KCNG3: variants seen among roughly 807,000 people sequenced by gnomAD.
KCNG3 encodes the protein voltage-gated potassium channel regulatory subunit KCNG3.
Under a neutral mutation model 29.0 loss-of-function variants are expected in KCNG3, and 15 were observed. That is an observed-to-expected ratio of 0.52 (90% CI 0.35 to 0.80). The LOEUF is 0.80. Ranked by LOEUF, KCNG3 falls within the 30% of genes least tolerant of loss-of-function variation. The pLI, the probability that KCNG3 is intolerant of heterozygous loss-of-function variation, is 0.01. For missense variants in KCNG3, 512 were observed against 605.7 expected (o/e 0.85, Z 1.62); for synonymous variants, 322 against 248.9 (o/e 1.29, Z -2.76).
the KCNG3 span, among the ~76,000 whole-genome samples, chr2:42,402,185 T>G: frequency 6.6e-6 from 1 of 152,212 alleles, no homozygotes; most frequent in African/African-American, 2.4e-5. Context: ...CTACCTGCCC[T>G]TGGACATCAG....
At chr2:42,403,815 G>C in the KCNG3 span, among the ~76,000 whole-genome samples, 1 of 151,730 alleles carries the variant, frequency 6.6e-6, no homozygotes, top group Admixed American at 6.6e-5. Context: ...TGCCCAGGCT[G>C]GTCTTGAACT....
At chr2:42,407,515 C>T in the KCNG3 span, among the ~76,000 whole-genome samples, 2 of 152,194 alleles carry the variant, frequency 1.3e-5, no homozygotes, top group African/African-American at 4.8e-5. Context: ...GTGGAGCCAA[C>T]AACAAGTGGG....
chr2:42,484,679 T>A (rs900200658), intron 1 of KCNG3, among the ~76,000 whole-genome samples: 1 of 152,204 alleles, frequency 6.6e-6, no homozygotes, highest in Non-Finnish European at 1.5e-5. Flanking sequence ...TAACACTTTT[T>A]TTCCGATGAA....
At chr2:42,413,531 AT>A in the KCNG3 span, among the ~76,000 whole-genome samples, 1 of 151,832 alleles carries the variant, frequency 6.6e-6, no homozygotes, top group African/African-American at 2.4e-5. Flanking sequence ...TATATATTCT[AT>A]TTCTAGTCTT....
intron 1 of KCNG3, among the ~76,000 whole-genome samples, chr2:42,451,034 G>A (rs1183223258): frequency 6.6e-6 from 1 of 150,938 alleles, no homozygotes; most frequent in Non-Finnish European, 1.5e-5. Context: ...GTGAAACCCT[G>A]TCTCTCCCAA....
intron 1 of KCNG3, among the ~76,000 whole-genome samples, chr2:42,458,028 C>T (rs1376067403): frequency 2.0e-5 from 3 of 152,114 alleles, no homozygotes; most frequent in African/African-American, 4.8e-5. Flanking sequence ...CCTTGAATCA[C>T]GCCTGGGATT....
At chr2:42,395,876 G>A in the KCNG3 span, among the ~76,000 whole-genome samples, 11 of 152,178 alleles carry the variant, frequency 7.2e-5, no homozygotes, top group African/African-American at 2.4e-4. Context: ...CTTGAGCCCA[G>A]GAGGTTGAGG....
At chr2:42,395,435 C>T in the KCNG3 span, among the ~76,000 whole-genome samples, 2 of 152,166 alleles carry the variant, frequency 1.3e-5, no homozygotes, top group Non-Finnish European at 2.9e-5. Context: ...GGCGCGGTGG[C>T]TCACACCTGT....
chr2:42,398,224 A>AAAAT, the KCNG3 span, among the ~76,000 whole-genome samples: 7,601 of 141,350 alleles, frequency 0.054, 592 homozygotes, highest in Admixed American at 0.24. Context: ...CTCTGTCTCA[A>AAAAT]AAATAAATAA....
downstream of KCNG3, among the ~76,000 whole-genome samples, chr2:42,441,702 TTA>T (rs755821004): frequency 3.8e-3 from 569 of 150,126 alleles, no homozygotes; most frequent in African/African-American, 0.013. Context: ...CACATGTACA[TTA>T]TATATATATA....
intron 1 of KCNG3, among the ~76,000 whole-genome samples, chr2:42,468,018 GACAGT>G (rs979473623): frequency 6.7e-6 from 1 of 149,660 alleles, no homozygotes; most frequent in Non-Finnish European, 1.5e-5. Flanking sequence ...AACCCAGACA[GACAGT>G]ACAAGAGAGA....
At chr2:42,467,690 C>T (rs1673175392) in intron 1 of KCNG3, among the ~76,000 whole-genome samples, 1 of 147,642 alleles carries the variant, frequency 6.8e-6, no homozygotes. Flanking sequence ...AAAATTAGAA[C>T]CATGTGTGAT....
chr2:42,396,772 AT>A, the KCNG3 span, among the ~76,000 whole-genome samples: 1 of 152,220 alleles, frequency 6.6e-6, no homozygotes, highest in South Asian at 2.1e-4. Flanking sequence ...GTTTCAGGAA[AT>A]TGCTTTGAAA....
At chr2:42,476,769 T>C (rs1168743307) in intron 1 of KCNG3, among the ~76,000 whole-genome samples, 2 of 148,920 alleles carry the variant, frequency 1.3e-5, no homozygotes, top group Non-Finnish European at 3.0e-5. Context: ...GGATTACAGG[T>C]GTGAGCCACC....
At chr2:42,457,864 T>C (rs77374886) in intron 1 of KCNG3, among the ~76,000 whole-genome samples, 3,908 of 151,742 alleles carry the variant, frequency 0.026, 164 homozygotes, top group South Asian at 0.078. Flanking sequence ...CACGCACCTG[T>C]AGTCTCCTAG....
At chr2:42,435,852 A>G in the KCNG3 span, among the ~76,000 whole-genome samples, 1 of 152,232 alleles carries the variant, frequency 6.6e-6, no homozygotes, top group Non-Finnish European at 1.5e-5. Context: ...AAAAAGTTAA[A>G]CATTAGCATC....
chr2:42,426,828 C>G, the KCNG3 span, among the ~76,000 whole-genome samples: 3 of 152,124 alleles, frequency 2.0e-5, no homozygotes, highest in Admixed American at 6.5e-5. Flanking sequence ...AAACTGTTTG[C>G]AAGACAGAAG....
intron 1 of KCNG3, among the ~76,000 whole-genome samples, chr2:42,468,563 T>C (rs564546240): frequency 2.0e-5 from 3 of 152,230 alleles, no homozygotes; most frequent in East Asian, 1.9e-4. Flanking sequence ...AATTTTTAGA[T>C]GAAAATCATA....
At chr2:42,471,186 A>G (rs11124880) in intron 1 of KCNG3, among the ~76,000 whole-genome samples, 98,840 of 138,958 alleles carry the variant, frequency 0.71, 35,561 homozygotes, top group East Asian at 0.81. Context: ...GTGTGTGTGT[A>G]TATATATATA....
Sources: gnomAD v4.1 joint callset for allele counts (sites outside exome capture counted in the v4.1 genomes callset) on GRCh38, gnomAD v4.1.1 for gene constraint, MANE v1.5 for transcripts, NCBI Gene and HGNC (gene_info 2026-07-23, HGNC 2026-07-21) for gene names.